FAM222B: variants seen among roughly 807,000 people sequenced by gnomAD.
FAM222B encodes the protein protein FAM222B.
In FAM222B, 12 loss-of-function variants were observed where a neutral mutation model predicts 38.0. The ratio of observed to expected loss-of-function variants is 0.32; its 90% CI spans 0.20 to 0.51. FAM222B has a LOEUF of 0.51. Among genes scored for constraint, FAM222B ranks in the 20% least tolerant of loss-of-function variants. FAM222B has a pLI of 0.97. For synonymous variants in FAM222B, 329 were observed against 317.2 expected, an observed-to-expected ratio of 1.04 and a Z score of -0.40; for missense variants, 716 against 754.2, an observed-to-expected ratio of 0.95 and a Z score of 0.59.
chr17:28,792,223 A>G (rs1277878681), intron 1 of FAM222B, among the ~76,000 whole-genome samples: 2 of 151,390 alleles, frequency 1.3e-5, no homozygotes, highest in African/African-American at 4.8e-5. Context: ...GAGGCAAGAG[A>G]ATGGCGTGAA....
intron 1 of FAM222B, among the ~76,000 whole-genome samples, chr17:28,812,803 CA>C (rs1165786833): frequency 1.5e-4 from 22 of 151,512 alleles, no homozygotes; most frequent in African/African-American, 5.3e-4. Flanking sequence ...GACCCCCCCC[CA>C]CCCACGCGAT....
At chr17:28,781,183 AGCTACTCG>A (rs2036152371) in intron 1 of FAM222B, among the ~76,000 whole-genome samples, 1 of 152,134 alleles carries the variant, frequency 6.6e-6, no homozygotes, top group Non-Finnish European at 1.5e-5. Context: ...CTGTAGTCCC[AGCTACTCG>A]GGAGACTGAG....
At chr17:28,845,098 T>C (rs537689391), upstream of FAM222B, among the ~76,000 whole-genome samples, 1 of 148,292 alleles carries the variant, frequency 6.7e-6, no homozygotes, top group Admixed American at 6.8e-5. Context: ...TGAGACTCCA[T>C]CTCAATTAAA....
intron 1 of FAM222B, among the ~76,000 whole-genome samples, chr17:28,808,196 A>G (rs1381561189): frequency 6.6e-6 from 1 of 152,244 alleles, no homozygotes; most frequent in Non-Finnish European, 1.5e-5. Flanking sequence ...TCATTGCCCT[A>G]TTAGTTACAA....
chr17:28,759,273 C>A lies in FAM222B; in HGVS notation c.686G>T (p.Gly229Val). 6.2e-7 allele frequency: 1 copy of A among 1,613,320 alleles called. No individual in the cohort carries two copies. The highest frequency in any genetic ancestry group is 8.5e-7 in the Non-Finnish European group (1 of 1,179,702). Reference protein sequence around the residue: ...LQHPHNPLLHGGRKMPDSDAP... With the variant: ...LQHPHNPLLHVGRKMPDSDAP... ...ATCTGAGTCTGGCATCTTCCGGCCTCCATGCAGCAAGGGATTGTGGGGGTG... is the reference window on the plus strand; with the variant it reads ...ATCTGAGTCTGGCATCTTCCGGCCTACATGCAGCAAGGGATTGTGGGGGTG... Residue 229 changes from glycine to valine, a missense_variant, in exon 3 of 3, where the codon GGA (glycine) becomes GTA (valine). Gly to Val is a moderately radical substitution (Grantham distance 109, BLOSUM62 -3). Coordinates refer to ENST00000581407, the MANE Select transcript of FAM222B (RefSeq NM_001077498.3). The surrounding 1 kb of genome is among the most constrained non-coding windows in gnomAD (Gnocchi z 4.8).
rs1368709242 is a variant in FAM222B at position 28,756,281 on chromosome 17, A to C, written c.*1989T>G. 6.5e-6 allele frequency: 1 copy of C among 152,774 alleles called. No homozygotes were observed. 9.5% of individuals were successfully genotyped at this position (152,774 alleles called of 1,614,324 possible). A position where few individuals can be genotyped will look rare whatever the true frequency, so the allele number is the denominator to read the frequency against. ...GGGCAGTTGGGGGCAGGGGGATCAC[A>C]GTACATTTTCCATGCAGACTAAGGG... On this transcript the variant is annotated 3_prime_UTR_variant, in exon 3 of 3. Coordinates refer to ENST00000581407, the MANE Select transcript of FAM222B (RefSeq NM_001077498.3).
intron 1 of FAM222B, among the ~76,000 whole-genome samples, chr17:28,773,729 C>T (rs1004279215): frequency 1.9e-4 from 29 of 151,188 alleles, no homozygotes; most frequent in Non-Finnish European, 3.5e-4. Context: ...GTCCAGAAGG[C>T]GGAGGTTGCA....
chr17:28,830,949 C>T (rs532037957), intron 1 of FAM222B, among the ~76,000 whole-genome samples: 3 of 151,014 alleles, frequency 2.0e-5, no homozygotes, highest in South Asian at 2.1e-4. Context: ...CTTTGCACCT[C>T]GGTCAAATAT....
At chr17:28,846,098 G>A (rs577132874), upstream of FAM222B, among the ~76,000 whole-genome samples, 46 of 151,696 alleles carry the variant, frequency 3.0e-4, no homozygotes, top group African/African-American at 1.1e-3. Flanking sequence ...AGGTACACAG[G>A]AGGCTGAGGC....
At chr17:28,822,255 C>T (rs1385763863) in intron 1 of FAM222B, among the ~76,000 whole-genome samples, 2 of 150,494 alleles carry the variant, frequency 1.3e-5, no homozygotes, top group African/African-American at 4.9e-5. Context: ...CTCTTGACCT[C>T]GTGATCCACC....
At chr17:28,810,454 GCTAACTTTGTTTTATATACTAGCTAA>G (rs2037704615) in intron 1 of FAM222B, among the ~76,000 whole-genome samples, 1 of 27,220 alleles carries the variant, frequency 3.7e-5, no homozygotes, top group Non-Finnish European at 6.8e-5. Flanking sequence ...TTATATACTA[GCTAACTTTGTTTTATATACTAGCTAA>G]CTTTGTTTTA....
intron 1 of FAM222B, among the ~76,000 whole-genome samples, chr17:28,814,768 A>AT: frequency 8.6e-6 from 1 of 116,164 alleles, no homozygotes; most frequent in East Asian, 2.7e-4. Flanking sequence ...TGCCAGGCCG[A>AT]TCTTTTTTTT....
intron 1 of FAM222B, among the ~76,000 whole-genome samples, chr17:28,810,478 TAACTTTGTTTTATATACTAG>T (rs1597989301): frequency 1.3e-5 from 2 of 152,026 alleles, no homozygotes; most frequent in East Asian, 3.9e-4. Flanking sequence ...ATATACTAGC[TAACTTTGTTTTATATACTAG>T]CTAACTTTGT....
intron 1 of FAM222B, among the ~76,000 whole-genome samples, chr17:28,820,775 A>G (rs1310373931): frequency 6.6e-6 from 1 of 151,974 alleles, no homozygotes; most frequent in African/African-American, 2.4e-5. Context: ...CGGGAATTAC[A>G]GGCGCCTGCC....
At chr17:28,847,507 T>C (rs943040562), upstream of FAM222B, among the ~76,000 whole-genome samples, 1 of 151,806 alleles carries the variant, frequency 6.6e-6, no homozygotes, top group Non-Finnish European at 1.5e-5. Flanking sequence ...GGCAGGACTA[T>C]TGCTTGAATC....
chr17:28,799,297 C>CTTT (rs35660613), intron 1 of FAM222B, among the ~76,000 whole-genome samples: 5 of 110,932 alleles, frequency 4.5e-5, no homozygotes, highest in Non-Finnish European at 7.4e-5. Context: ...CACAGAAAAA[C>CTTT]TTTTTTTTTT....
intron 2 of FAM222B, among the ~76,000 whole-genome samples, chr17:28,763,634 A>C (rs2035188653): frequency 6.6e-6 from 1 of 152,240 alleles, no homozygotes; most frequent in Admixed American, 6.5e-5. Context: ...TCAAACACAG[A>C]TTTCAGAGTC....
chr17:28,841,734 T>C (rs1397298743), intron 1 of FAM222B, among the ~76,000 whole-genome samples: 5 of 152,186 alleles, frequency 3.3e-5, no homozygotes, highest in Non-Finnish European at 7.4e-5. Context: ...ATGAGTTAGC[T>C]ATGTTCAGAA....
chr17:28,775,913 CAAAA>C (rs527771562), intron 1 of FAM222B, among the ~76,000 whole-genome samples: 2 of 146,828 alleles, frequency 1.4e-5, no homozygotes, highest in African/African-American at 5.0e-5. Flanking sequence ...AACAAAAAAA[CAAAA>C]AAAACAAAAA....
Sources: gnomAD v4.1 joint callset for allele counts (sites outside exome capture counted in the v4.1 genomes callset) on GRCh38, gnomAD v4.1.1 for gene constraint, Gnocchi (gnomAD v3.1) non-coding constraint, MANE v1.5 for transcripts, NCBI Gene and HGNC (gene_info 2026-07-23, HGNC 2026-07-21) for gene names.